Variants in CNTN4 observed in about 807,000 individuals in gnomAD.
CNTN4 encodes the protein contactin-4.
A neutral mutation model predicts 122.5 loss-of-function variants in CNTN4; 77 were observed. The observed-to-expected ratio is 0.63, with a 90% confidence interval of 0.52 to 0.76. The LOEUF (loss-of-function observed/expected upper bound fraction) is 0.76, where lower values mean the gene tolerates loss of function less well. Among genes scored for constraint, CNTN4 ranks in the 30% least tolerant of loss-of-function variants. The probability of loss-of-function intolerance (pLI) is 0.00; values close to 1 mark genes in which losing one functional copy is unlikely to be tolerated. For synonymous variants in CNTN4, 512 were observed against 447.0 expected, an observed-to-expected ratio of 1.15 and a Z score of -1.83; for missense variants, 1,256 against 1,259.1, an observed-to-expected ratio of 1.00 and a Z score of 0.04.
chr3:2,747,527 C>CG (rs2089861355), intron 6 of CNTN4, among the ~76,000 whole-genome samples: 2 of 151,372 alleles, frequency 1.3e-5, no homozygotes, highest in South Asian at 4.2e-4. Context: ...TGTAAAAGAC[C>CG]GGGCATTTTA....
intron 3 of CNTN4, among the ~76,000 whole-genome samples, chr3:2,522,171 G>T (rs1426130422): frequency 1.3e-5 from 2 of 151,650 alleles, no homozygotes; most frequent in South Asian, 4.2e-4. Flanking sequence ...GTGTGTGTGT[G>T]TGTGTGTGTG....
At chr3:2,822,894 GAAAT>G (rs1559544305) in intron 7 of CNTN4, among the ~76,000 whole-genome samples, 1 of 152,174 alleles carries the variant, frequency 6.6e-6, no homozygotes, top group Non-Finnish European at 1.5e-5. Context: ...GAAAGACAAG[GAAAT>G]AAATATTCTT....
intron 4 of CNTN4, among the ~76,000 whole-genome samples, chr3:2,718,335 A>T (rs2087629551): frequency 6.6e-6 from 1 of 152,116 alleles, no homozygotes; most frequent in Non-Finnish European, 1.5e-5. Context: ...TTATCTATGG[A>T]ATATTTATAA....
At chr3:2,523,535 G>A (rs1292763655) in intron 3 of CNTN4, among the ~76,000 whole-genome samples, 1 of 151,988 alleles carries the variant, frequency 6.6e-6, no homozygotes, top group African/African-American at 2.4e-5. Flanking sequence ...TGCAAGTGTG[G>A]AAGGATCTTT....
At chr3:2,674,561 A>T (rs1408535462) in intron 4 of CNTN4, among the ~76,000 whole-genome samples, 1 of 152,232 alleles carries the variant, frequency 6.6e-6, no homozygotes, top group African/African-American at 2.4e-5. Flanking sequence ...GTTCGAGACC[A>T]GCCTAGCCAA....
intron 13 of CNTN4, among the ~76,000 whole-genome samples, chr3:2,950,157 T>TC (rs2094723643): frequency 6.6e-6 from 1 of 152,212 alleles, no homozygotes; most frequent in African/African-American, 2.4e-5. Context: ...AATGGATGTA[T>TC]CCCCTCCAGA....
intron 3 of CNTN4, among the ~76,000 whole-genome samples, chr3:2,442,331 A>T (rs555257892): frequency 1.7e-3 from 254 of 152,318 alleles, no homozygotes; most frequent in Non-Finnish European, 3.4e-3. Flanking sequence ...AATACACATT[A>T]TTATGGGAAC....
chr3:2,731,510 A>T (rs1181372047), intron 4 of CNTN4, among the ~76,000 whole-genome samples: 2 of 152,232 alleles, frequency 1.3e-5, no homozygotes, highest in African/African-American at 4.8e-5. Flanking sequence ...TGTGTGTCAG[A>T]TCAATGGTCT....
chr3:2,291,864 G>A (rs1428342444), intron 2 of CNTN4, among the ~76,000 whole-genome samples: 2 of 152,042 alleles, frequency 1.3e-5, no homozygotes, highest in African/African-American at 4.8e-5. Flanking sequence ...CTCCCGAGTA[G>A]CTGGGATTAC....
At chr3:3,037,361 CT>C in intron 18 of CNTN4, 33 bp downstream of exon 18, 2 of 1,613,944 alleles carry the variant, frequency 1.2e-6, no homozygotes, top group Non-Finnish European at 1.7e-6. Context: ...ATCATCTGTT[CT>C]GCCAGCTGCT....
intron 3 of CNTN4, among the ~76,000 whole-genome samples, chr3:2,446,731 C>T (rs904582480): frequency 1.3e-5 from 2 of 152,182 alleles, no homozygotes; most frequent in Non-Finnish European, 2.9e-5. Flanking sequence ...TTCTACTTCA[C>T]GTTATCAGCG....
chr3:2,308,877 G>T (rs2042814914), intron 2 of CNTN4, among the ~76,000 whole-genome samples: 1 of 151,872 alleles, frequency 6.6e-6, no homozygotes, highest in African/African-American at 2.4e-5. Context: ...ATAGTCTGTA[G>T]ATCTTTTACA....
At chr3:2,571,304 A>C (rs1374013188) in intron 3 of CNTN4, 112 bp from the exon 4 acceptor site, 2 of 618,636 alleles carry the variant, frequency 3.2e-6, no homozygotes, top group East Asian at 2.8e-5. Context: ...TTCCCCTCCA[A>C]TGGTACTTTC....
chr3:2,196,352 A>G (rs1238998481), intron 2 of CNTN4, among the ~76,000 whole-genome samples: 1 of 152,232 alleles, frequency 6.6e-6, no homozygotes, highest in Non-Finnish European at 1.5e-5. Context: ...CCTGGCTTCT[A>G]TCATGGACTT....
intron 4 of CNTN4, among the ~76,000 whole-genome samples, chr3:2,729,510 C>T (rs1276894213): frequency 7.3e-6 from 1 of 137,074 alleles, no homozygotes; most frequent in Non-Finnish European, 1.5e-5. Context: ...TGCCACTGCT[C>T]TCCAGCCTGG....
intron 3 of CNTN4, among the ~76,000 whole-genome samples, chr3:2,439,800 G>A (rs2048372067): frequency 6.6e-6 from 1 of 152,116 alleles, no homozygotes; most frequent in Non-Finnish European, 1.5e-5. Flanking sequence ...AGAGGGCCTG[G>A]TTGTGATCCT....
intron 14 of CNTN4, chr3:2,988,833 C>T (rs1694814726): frequency 1.1e-5 from 3 of 265,810 alleles, no homozygotes; most frequent in African/African-American, 4.5e-5. Context: ...AAACTCAAGA[C>T]TCATGTACTA....
At chr3:2,136,158 A>G (rs1267285936) in intron 2 of CNTN4, among the ~76,000 whole-genome samples, 1 of 152,188 alleles carries the variant, frequency 6.6e-6, no homozygotes, top group Non-Finnish European at 1.5e-5. Context: ...TAAGGATGTA[A>G]TCCCACGTTC....
At chr3:2,172,166 CAA>C (rs906562866) in intron 2 of CNTN4, among the ~76,000 whole-genome samples, 3 of 151,624 alleles carry the variant, frequency 2.0e-5, no homozygotes, top group Non-Finnish European at 4.4e-5. Flanking sequence ...GATTGCAAAC[CAA>C]AGAGTGGATA....
Sources: allele counts gnomAD v4.1 joint callset (sites outside exome capture counted in the v4.1 genomes callset), GRCh38; gene constraint gnomAD v4.1.1; transcripts MANE v1.5; gene names NCBI Gene and HGNC (gene_info 2026-07-23, HGNC 2026-07-21).